CCSER1: variants seen among roughly 807,000 people sequenced by gnomAD.
The protein encoded by CCSER1 is serine-rich coiled-coil domain-containing protein 1.
A neutral mutation model predicts 82.0 loss-of-function variants in CCSER1; 41 were observed. That is an observed-to-expected ratio of 0.50 (90% CI 0.39 to 0.65). CCSER1 has a LOEUF of 0.65. Ranked by LOEUF, CCSER1 falls within the 30% of genes least tolerant of loss-of-function variation. The probability of loss-of-function intolerance (pLI) is 0.00; values close to 1 mark genes in which losing one functional copy is unlikely to be tolerated. For missense variants in CCSER1, 1,119 were observed against 1,064.2 expected (o/e 1.05, Z -0.72); for synonymous variants, 414 against 383.9 (o/e 1.08, Z -0.92).
At chr4:90,307,498 C>T (rs1734511800) in intron 1 of CCSER1, among the ~76,000 whole-genome samples, 1 of 108,866 alleles carries the variant, frequency 9.2e-6, no homozygotes. Flanking sequence ...CCAAACTTGT[C>T]CTGGGGTGGG....
At chr4:91,378,214 G>T (rs1445764847) in intron 10 of CCSER1, among the ~76,000 whole-genome samples, 1 of 152,126 alleles carries the variant, frequency 6.6e-6, no homozygotes, top group African/African-American at 2.4e-5. Flanking sequence ...TTTGGCTTAG[G>T]ATTGTCTTGG....
chr4:90,480,993 A>G (rs1261904216), intron 5 of CCSER1, among the ~76,000 whole-genome samples: 1 of 152,182 alleles, frequency 6.6e-6, no homozygotes, highest in Non-Finnish European at 1.5e-5. Context: ...CACGATATTG[A>G]TTCTTCCTAT....
intron 6 of CCSER1, among the ~76,000 whole-genome samples, chr4:90,695,115 C>T (rs1736784354): frequency 1.3e-5 from 2 of 149,952 alleles, no homozygotes; most frequent in South Asian, 2.1e-4. Context: ...AATCTCCATA[C>T]ACTTTGGCAA....
At chr4:90,185,170 AG>A (rs1274559507) in intron 1 of CCSER1, among the ~76,000 whole-genome samples, 3 of 152,106 alleles carry the variant, frequency 2.0e-5, no homozygotes, top group African/African-American at 7.2e-5. Context: ...TGTGCGGATT[AG>A]GGATCTACAA....
At chr4:90,768,623 A>T (rs998432388) in intron 7 of CCSER1, among the ~76,000 whole-genome samples, 2 of 152,216 alleles carry the variant, frequency 1.3e-5, no homozygotes, top group Non-Finnish European at 2.9e-5. Flanking sequence ...ATAGTTTTCA[A>T]TAAGGCTGTA....
chr4:91,502,857 C>T (rs952858221), intron 10 of CCSER1, among the ~76,000 whole-genome samples: 13 of 152,134 alleles, frequency 8.5e-5, no homozygotes, highest in African/African-American at 2.9e-4. Context: ...AATGAGATGA[C>T]TTAATGTAGT....
chr4:91,594,207 G>A (rs1444352428), intron 10 of CCSER1, among the ~76,000 whole-genome samples: 2 of 151,532 alleles, frequency 1.3e-5, no homozygotes, highest in Non-Finnish European at 2.9e-5. Flanking sequence ...TTCTTCAGAG[G>A]TAATAAACAT....
At chr4:90,715,232 G>GTTCA (rs1209447790) in intron 6 of CCSER1, among the ~76,000 whole-genome samples, 1 of 151,904 alleles carries the variant, frequency 6.6e-6, no homozygotes, top group African/African-American at 2.4e-5. Context: ...ACAAAGTACA[G>GTTCA]TTCATTATTC....
At chr4:91,552,927 A>T (rs541896126) in intron 10 of CCSER1, among the ~76,000 whole-genome samples, 1 of 151,686 alleles carries the variant, frequency 6.6e-6, no homozygotes, top group African/African-American at 2.4e-5. Context: ...AGAACTGGCA[A>T]GTGTGGACAT....
chr4:91,131,881 A>G (rs1385302875), intron 10 of CCSER1, among the ~76,000 whole-genome samples: 1 of 152,004 alleles, frequency 6.6e-6, no homozygotes, highest in African/African-American at 2.4e-5. Flanking sequence ...GAGGTAGAGT[A>G]GCCATTCTAC....
At chr4:90,491,689 C>T (rs1180027038) in intron 5 of CCSER1, among the ~76,000 whole-genome samples, 2 of 152,040 alleles carry the variant, frequency 1.3e-5, no homozygotes, top group Non-Finnish European at 2.9e-5. Flanking sequence ...GAGAGACGTC[C>T]CACCAATACC....
intron 9 of CCSER1, among the ~76,000 whole-genome samples, chr4:90,983,756 C>A (rs1394116814): frequency 4.6e-5 from 7 of 151,664 alleles, no homozygotes; most frequent in Admixed American, 4.6e-4. Context: ...AATATGTTAC[C>A]TAATAAAATT....
chr4:91,319,772 T>A (rs989270588), intron 10 of CCSER1: 24 of 454,720 alleles, frequency 5.3e-5, no homozygotes, highest in Admixed American at 5.0e-4. Flanking sequence ...CAGCTGCTTC[T>A]CTTATGCTCT....
At chr4:91,319,230 G>A (rs1159199406) in intron 10 of CCSER1, 1 of 183,730 alleles carries the variant, frequency 5.4e-6, no homozygotes, top group Non-Finnish European at 1.2e-5. Flanking sequence ...AAGTTAAAAA[G>A]CAAAATAAGT....
intron 1 of CCSER1, among the ~76,000 whole-genome samples, chr4:90,182,518 T>C (rs1733910798): frequency 6.6e-6 from 1 of 152,176 alleles, no homozygotes; most frequent in African/African-American, 2.4e-5. Context: ...GGATATGTTG[T>C]TATATTATCA....
intron 4 of CCSER1, among the ~76,000 whole-genome samples, chr4:90,424,103 A>C (rs1211202786): frequency 2.0e-5 from 3 of 151,952 alleles, no homozygotes; most frequent in Non-Finnish European, 4.4e-5. Context: ...AAAAAAAAAA[A>C]AGAAAAATTC....
intron 7 of CCSER1, among the ~76,000 whole-genome samples, chr4:90,730,508 C>A (rs374963864): frequency 6.6e-6 from 1 of 152,042 alleles, no homozygotes; most frequent in Non-Finnish European, 1.5e-5. Flanking sequence ...GTCAACAACA[C>A]GAACTAAATC....
intron 10 of CCSER1, among the ~76,000 whole-genome samples, chr4:91,091,653 G>A (rs1476324777): frequency 1.3e-5 from 2 of 152,164 alleles, no homozygotes; most frequent in Non-Finnish European, 2.9e-5. Flanking sequence ...TACTTTGCAG[G>A]GATTGTCTAG....
At chr4:91,242,675 T>G (rs1349937744) in intron 10 of CCSER1, among the ~76,000 whole-genome samples, 4 of 152,090 alleles carry the variant, frequency 2.6e-5, no homozygotes, top group Non-Finnish European at 5.9e-5. Context: ...AAATATCTAC[T>G]CTGCAAAATA....
Sources: gnomAD v4.1 joint callset for allele counts (sites outside exome capture counted in the v4.1 genomes callset) on GRCh38, gnomAD v4.1.1 for gene constraint, MANE v1.5 for transcripts, NCBI Gene and HGNC (gene_info 2026-07-23, HGNC 2026-07-21) for gene names.